Variants in FAM228A observed in about 807,000 individuals in gnomAD.
FAM228A encodes the protein protein FAM228A.
A neutral mutation model predicts 18.6 loss-of-function variants in FAM228A; 13 were observed. The observed-to-expected ratio is 0.70, with a 90% CI of 0.45 to 1.11. FAM228A has a LOEUF of 1.11. FAM228A is among the 50% of genes least tolerant of loss of function. The pLI, the probability that FAM228A is intolerant of heterozygous loss-of-function variation, is 0.00. For synonymous variants in FAM228A, 77 were observed against 86.6 expected (o/e 0.89, Z 0.61); for missense variants, 240 against 242.2 (o/e 0.99, Z 0.06).
intron 3 of FAM228A, among the ~76,000 whole-genome samples, chr2:24,178,444 C>T (rs1667742687): frequency 6.6e-6 from 1 of 151,956 alleles, no homozygotes; most frequent in Admixed American, 6.6e-5. Context: ...CATGGTGGCA[C>T]ACGCCTGTAG....
intron 5 of FAM228A, chr2:24,188,523 G>A (rs573127958): frequency 5.8e-5 from 57 of 985,314 alleles, no homozygotes; most frequent in Non-Finnish European, 6.6e-5. Flanking sequence ...GCCTCTTAGC[G>A]GGAGGGTGAT....
chr2:24,185,168 A>C (rs1349253422), intron 5 of FAM228A, among the ~76,000 whole-genome samples: 5 of 152,160 alleles, frequency 3.3e-5, no homozygotes, highest in Non-Finnish European at 5.9e-5. Flanking sequence ...TAATACAGTT[A>C]GAATTGCTTT....
At chr2:24,187,911 GT>G (rs1667987936) in intron 5 of FAM228A, among the ~76,000 whole-genome samples, 1 of 151,954 alleles carries the variant, frequency 6.6e-6, no homozygotes, top group South Asian at 2.1e-4. Flanking sequence ...TTTATGTGAT[GT>G]TTCTAGATGT....
rs1186490624 is a variant in FAM228A at position 24,175,834 on chromosome 2, GCCAGGT to G, written c.93+263_93+268del. 64 of 1,147,990 alleles carry G rather than the reference GCCAGGT, an allele frequency of 5.6e-5. 1 individual carries two copies. Among genetic ancestry groups the G allele is most frequent in the African/African-American group, 4.7e-5 (3 of 63,490 alleles). The allele number at this position is 1,147,990 out of a possible 1,614,324, so 71.1% of individuals were successfully genotyped here. A position where few individuals can be genotyped will look rare whatever the true frequency, so the allele number is the denominator to read the frequency against. On this transcript the variant is annotated intron_variant, in intron 2 of 5. Transcript: ENST00000295150. Reference sequence around the variant, plus strand: ...CAGCCACCCCAGCTCCCCGGCAGAAGCCAGGTCTGGGCTTGCCAGTCAATTCTGCAT... The same window carrying G: ...CAGCCACCCCAGCTCCCCGGCAGAAGCTGGGCTTGCCAGTCAATTCTGCAT...
Position 24,186,220 on chromosome 2 carries a change from G to A in FAM228A, c.401+2575G>A, listed in dbSNP as rs568412737. Among the ~76,000 whole-genome samples, 5 of 152,092 alleles carry A rather than the reference G, an allele frequency of 3.3e-5. No individual in the cohort carries two copies. In the South Asian group the frequency reaches 6.2e-4, roughly 19 times the overall value. The stretch of plus-strand genomic sequence containing the variant: ...TCACCATGTTGGCCAGGCTGGTCTC[G>A]AACTCCTGACCTCAGGTGATCCACC... On this transcript the variant is annotated intron_variant, in intron 5 of 5. Transcript: ENST00000295150.
intron 5 of FAM228A, among the ~76,000 whole-genome samples, chr2:24,189,536 G>C (rs1668032507): frequency 6.6e-6 from 1 of 152,160 alleles, no homozygotes; most frequent in South Asian, 2.1e-4. Context: ...CTTGAGGGCA[G>C]GGACTGCATC....
chr2:24,183,666 C>T, intron 5 of FAM228A, 21 bp downstream of exon 5: 1 of 1,554,824 alleles, frequency 6.4e-7, no homozygotes, highest in South Asian at 1.2e-5. Context: ...GCAGAACAAA[C>T]AAATATTTGT....
chr2:24,188,713 C>G lies in FAM228A; in HGVS notation c.402-1699C>G, dbSNP rs189720895. On this transcript the variant is annotated intron_variant, in intron 5 of 5. Transcript: ENST00000295150. ...AAGAGTTGGAGATTGTCAACTCATTCCTGAAGGCTCTCGCCTCTCTGGAAT... is the reference window on the plus strand; with the variant it reads ...AAGAGTTGGAGATTGTCAACTCATTGCTGAAGGCTCTCGCCTCTCTGGAAT... 6.5e-6 allele frequency: 6 copies of G among 918,328 alleles called. No homozygotes were observed. The Admixed American group carries it at 3.7e-4, about 57-fold the overall frequency. 56.9% of individuals were successfully genotyped at this position (918,328 alleles called of 1,614,324 possible).
At position 24,190,919 on chromosome 2, in the gene FAM228A, G is replaced by A; in HGVS notation, c.*288G>A. 8.9e-7 allele frequency: 1 copy of A among 1,122,988 alleles called. No individual in the cohort carries two copies. Among genetic ancestry groups the A allele is most frequent in the African/African-American group, 1.6e-5 (1 of 62,154 alleles). The allele number at this position is 1,122,988 out of a possible 1,614,324, so 69.6% of individuals were successfully genotyped here. A position where few individuals can be genotyped will look rare whatever the true frequency, so the allele number is the denominator to read the frequency against. On this transcript the variant is annotated 3_prime_UTR_variant, in exon 6 of 6. Transcript: ENST00000295150. ...GAGATTTCTTCAGCGCCTTCGCCCG[G>A]GCCTTTGCCCTTCTGCCACTTTCCT...
chr2:24,189,525 C>A (rs1310497423), intron 5 of FAM228A, among the ~76,000 whole-genome samples: 1 of 151,972 alleles, frequency 6.6e-6, no homozygotes, highest in Non-Finnish European at 1.5e-5. Flanking sequence ...TCAGCAAGCC[C>A]CTTGAGGGCA....
chr2:24,180,966 C>T (rs947859836), intron 3 of FAM228A, among the ~76,000 whole-genome samples: 6 of 152,016 alleles, frequency 3.9e-5, no homozygotes, highest in South Asian at 2.1e-4. Context: ...TTTTAAAGGC[C>T]GACATTAGCC....
intron 2 of FAM228A, chr2:24,175,830 A>G (rs1449762704): frequency 2.6e-6 from 3 of 1,136,610 alleles, no homozygotes; most frequent in Non-Finnish European, 3.5e-6. Context: ...GCTCCCCGGC[A>G]GAAGCCAGGT....
At chr2:24,180,356 GTGGGAGGATCAC>G (rs1667788300) in intron 3 of FAM228A, among the ~76,000 whole-genome samples, 1 of 152,078 alleles carries the variant, frequency 6.6e-6, no homozygotes, top group Non-Finnish European at 1.5e-5. Flanking sequence ...GGAGGTTGAG[GTGGGAGGATCAC>G]TTGAGCCTGG....
intron 5 of FAM228A, among the ~76,000 whole-genome samples, chr2:24,184,971 C>T (rs777402969): frequency 2.0e-4 from 30 of 151,730 alleles, no homozygotes; most frequent in Admixed American, 4.6e-4. Flanking sequence ...TACAGGTGTG[C>T]GCCACCACAC....
At chr2:24,184,277 G>T (rs1667890243) in intron 5 of FAM228A, among the ~76,000 whole-genome samples, 1 of 151,694 alleles carries the variant, frequency 6.6e-6, no homozygotes, top group Admixed American at 6.6e-5. Flanking sequence ...CTACTCGGGA[G>T]ACTGAGGCAG....
intron 3 of FAM228A, chr2:24,179,120 A>G (rs1667758505): frequency 9.5e-7 from 1 of 1,056,504 alleles, no homozygotes; most frequent in African/African-American, 1.7e-5. Context: ...GAGATTGGAT[A>G]TGTATTTTCA....
Position 24,187,398 on chromosome 2 carries a change from C to T in FAM228A, c.402-3014C>T, listed in dbSNP as rs149222867. On this transcript the variant is annotated intron_variant, in intron 5 of 5. Transcript: ENST00000295150. ...ACACAACCTCCTCCACTGTTGACATCCTGCACCACAGTGGTACAAACTACA... is the reference window on the plus strand; with the variant it reads ...ACACAACCTCCTCCACTGTTGACATTCTGCACCACAGTGGTACAAACTACA... Among the ~76,000 whole-genome samples the T allele has an allele frequency of 4.0e-4, 61 of 152,338 alleles. 1 individual carries two copies. In the East Asian group the frequency reaches 0.011, roughly 27 times the overall value.
intron 5 of FAM228A, among the ~76,000 whole-genome samples, chr2:24,186,827 A>G (rs1441677605): frequency 6.6e-6 from 1 of 151,702 alleles, no homozygotes; most frequent in Non-Finnish European, 1.5e-5. Flanking sequence ...TTAGTAGAGA[A>G]GGGGTTTCAC....
chr2:24,177,568 G>A (rs1000857158), intron 2 of FAM228A, among the ~76,000 whole-genome samples: 3 of 152,082 alleles, frequency 2.0e-5, no homozygotes, highest in Admixed American at 6.5e-5. Flanking sequence ...CTGGGTGGGG[G>A]GGTGCTGAAA....
Sources: gnomAD v4.1 joint callset for allele counts (sites outside exome capture counted in the v4.1 genomes callset) on GRCh38, gnomAD v4.1.1 for gene constraint, MANE v1.5 for transcripts, NCBI Gene and HGNC (gene_info 2026-07-23, HGNC 2026-07-21) for gene names.